The following FRMD4B variants were observed in gnomAD, a reference collection of about 807,000 sequenced individuals.
FRMD4B encodes the protein FERM domain containing 4B.
In FRMD4B, 74 loss-of-function variants were observed where a neutral mutation model predicts 141.5. That is an observed-to-expected ratio of 0.52 (90% CI 0.43 to 0.63). FRMD4B has a LOEUF of 0.63. Ranked by LOEUF, FRMD4B falls within the 30% of genes least tolerant of loss-of-function variation. The pLI, the probability that FRMD4B is intolerant of heterozygous loss-of-function variation, is 0.00. For missense variants in FRMD4B, 1,366 were observed against 1,253.4 expected (o/e 1.09, Z -1.36); for synonymous variants, 506 against 467.9 (o/e 1.08, Z -1.05).
At chr3:69,480,051 G>A (rs1269812703) in intron 1 of FRMD4B, among the ~76,000 whole-genome samples, 2 of 152,140 alleles carry the variant, frequency 1.3e-5, no homozygotes, top group Non-Finnish European at 2.9e-5. Flanking sequence ...TTGGCTTTCA[G>A]GTCCATCAGC....
At chr3:69,197,718 C>T (rs2092923277) in intron 12 of FRMD4B, 1 of 152,224 alleles carries the variant, frequency 6.6e-6, no homozygotes, top group South Asian at 2.1e-4. Context: ...TACTAATGTT[C>T]TTTGTAGGAA....
At chr3:69,359,975 C>G (rs900261348) in intron 1 of FRMD4B, among the ~76,000 whole-genome samples, 1 of 152,196 alleles carries the variant, frequency 6.6e-6, no homozygotes, top group African/African-American at 2.4e-5. Context: ...AGGGCCCATG[C>G]TCTTACAAAT....
At chr3:69,481,263 T>C (rs1021715645) in intron 1 of FRMD4B, among the ~76,000 whole-genome samples, 1 of 152,142 alleles carries the variant, frequency 6.6e-6, no homozygotes, top group African/African-American at 2.4e-5. Context: ...ATGAACCTGG[T>C]ACCTCAGATG....
At chr3:69,397,395 A>G (rs1374724200) in intron 2 of FRMD4B, among the ~76,000 whole-genome samples, 1 of 152,240 alleles carries the variant, frequency 6.6e-6, no homozygotes, top group Non-Finnish European at 1.5e-5. Flanking sequence ...ATCTGAAATT[A>G]GATAATGGGG....
intron 17 of FRMD4B, among the ~76,000 whole-genome samples, chr3:69,191,055 C>A (rs2092830258): frequency 6.6e-6 from 1 of 152,206 alleles, no homozygotes; most frequent in Middle Eastern, 3.2e-3. Flanking sequence ...AGACTTAAAT[C>A]TTTAGTTAAC....
chr3:69,336,586 T>A (rs1308128054), intron 1 of FRMD4B: 1 of 152,258 alleles, frequency 6.6e-6, no homozygotes, highest in African/African-American at 2.4e-5. Context: ...CTGGTACTTA[T>A]CTGTAAAATG....
At chr3:69,375,826 T>C (rs1463510736) in intron 1 of FRMD4B, among the ~76,000 whole-genome samples, 2 of 152,122 alleles carry the variant, frequency 1.3e-5, no homozygotes, top group Non-Finnish European at 2.9e-5. Context: ...AGGCACAACA[T>C]CTAATAAAGT....
intron 3 of FRMD4B, 107 bp downstream of exon 3, chr3:69,311,156 A>G (rs1221515039): frequency 3.6e-6 from 2 of 560,886 alleles, no homozygotes; most frequent in Admixed American, 3.1e-5. Context: ...TAAGCAGGAC[A>G]TGTTCTGAAT....
At chr3:69,191,053 A>G (rs2092830207) in intron 17 of FRMD4B, among the ~76,000 whole-genome samples, 1 of 152,218 alleles carries the variant, frequency 6.6e-6, no homozygotes, top group Non-Finnish European at 1.5e-5. Flanking sequence ...CTAGACTTAA[A>G]TCTTTAGTTA....
At chr3:69,187,500 G>A (rs1047133775) in intron 19 of FRMD4B, among the ~76,000 whole-genome samples, 8 of 148,024 alleles carry the variant, frequency 5.4e-5, no homozygotes, top group South Asian at 4.3e-4. Flanking sequence ...AGTTCACGCC[G>A]TTGCACTCCA....
intron 2 of FRMD4B, among the ~76,000 whole-genome samples, chr3:69,430,947 AG>A (rs1404767688): frequency 6.6e-6 from 1 of 152,200 alleles, no homozygotes; most frequent in African/African-American, 2.4e-5. Context: ...CACTTCTCAG[AG>A]GGGGCTCCTT....
intron 9 of FRMD4B, among the ~76,000 whole-genome samples, chr3:69,218,885 G>T (rs1186212350): frequency 6.6e-6 from 1 of 152,128 alleles, no homozygotes; most frequent in Non-Finnish European, 1.5e-5. Context: ...CCCCCAGGCT[G>T]GGCGCGGTGG....
intron 11 of FRMD4B, among the ~76,000 whole-genome samples, chr3:69,212,158 G>C (rs9840757): frequency 0.065 from 9,849 of 151,232 alleles, 827 homozygotes; most frequent in African/African-American, 0.18. Flanking sequence ...TCAGGAGTTC[G>C]AGACCAGCTT....
At chr3:69,451,243 C>T (rs1018959870) in intron 1 of FRMD4B, among the ~76,000 whole-genome samples, 3 of 151,520 alleles carry the variant, frequency 2.0e-5, no homozygotes, top group African/African-American at 7.3e-5. Context: ...TGTCCTGCTG[C>T]GATCTCTTTT....
intron 1 of FRMD4B, among the ~76,000 whole-genome samples, chr3:69,497,932 A>G (rs1466989766): frequency 6.6e-6 from 1 of 152,214 alleles, no homozygotes; most frequent in African/African-American, 2.4e-5. Flanking sequence ...TGGGTGGTAG[A>G]GTCCAAGGTG....
intron 7 of FRMD4B, among the ~76,000 whole-genome samples, chr3:69,244,612 G>T (rs145924656): frequency 6.6e-6 from 1 of 151,494 alleles, no homozygotes; most frequent in South Asian, 2.1e-4. Flanking sequence ...CAGCCTGGGC[G>T]ACAGAGCGAG....
rs957599793 is a variant in FRMD4B at position 69,313,509 on chromosome 3, T to C, written c.171A>G (p.Glu57=). ...GGAGGTGCACCTGGCAGTGCCTGCC[T>C]TCTGTCATCTGCAGGAACAAGACAG... ...CGLQDVYQMT[E]GRHCQVHLLD... The change falls in exon 2 of 23, where the codon GAA becomes GAG. Residue 57 remains glutamate, a synonymous_variant. Coordinates refer to ENST00000398540, the MANE Select transcript of FRMD4B (RefSeq NM_015123.3). The C allele has an allele frequency of 6.4e-7, 1 of 1,566,966 alleles. No homozygotes were observed.
intron 2 of FRMD4B, among the ~76,000 whole-genome samples, chr3:69,422,308 G>A (rs529174288): frequency 1.3e-5 from 2 of 150,814 alleles, no homozygotes; most frequent in South Asian, 4.2e-4. Context: ...CAGGAAAATT[G>A]CTTGAACCCG....
At position 69,343,570 on chromosome 3, in the gene FRMD4B, G is replaced by GTT. The variant is rs764348717; in HGVS notation, c.163-30055_163-30054dup. ...TACTTACAGCCATTTTGTCTTAACA[G>GTT]TTTTTTGTTTTTTTTTTTTTTTTTT... On this transcript the variant is annotated intron_variant, in intron 1 of 22. Coordinates refer to ENST00000398540, the MANE Select transcript of FRMD4B (RefSeq NM_015123.3). Among the ~76,000 whole-genome samples, 367 of 84,176 alleles carry GTT rather than the reference G, an allele frequency of 4.4e-3. 2 individuals are homozygous for GTT. The highest frequency in any genetic ancestry group is 0.015 in the African/African-American group (332 of 22,652). The allele number at this position is 84,176 out of a possible 152,430, so 55.2% of individuals were successfully genotyped here.
Sources: allele counts gnomAD v4.1 joint callset (sites outside exome capture counted in the v4.1 genomes callset), GRCh38; gene constraint gnomAD v4.1.1; transcripts MANE v1.5; gene names NCBI Gene and HGNC (gene_info 2026-07-23, HGNC 2026-07-21).